Variants in EIF3M observed in about 807,000 individuals in gnomAD.
The protein encoded by EIF3M is eukaryotic translation initiation factor 3 subunit M, also known as B5 receptor.
Under a neutral mutation model 49.7 loss-of-function variants are expected in EIF3M, and 25 were observed. The observed-to-expected ratio is 0.50, with a 90% CI of 0.37 to 0.70. The LOEUF (loss-of-function observed/expected upper bound fraction) is 0.70, where lower values mean the gene tolerates loss of function less well. Among genes scored for constraint, EIF3M ranks in the 30% least tolerant of loss-of-function variants. EIF3M has a pLI of 0.00. For missense variants in EIF3M, 350 were observed against 440.0 expected (o/e 0.80, Z 1.83); for synonymous variants, 156 against 149.8 (o/e 1.04, Z -0.30).
chr11:32,597,612 A>G (rs1352869533), intron 8 of EIF3M, among the ~76,000 whole-genome samples: 2 of 152,216 alleles, frequency 1.3e-5, no homozygotes, highest in African/African-American at 4.8e-5. Flanking sequence ...CATATGTTCA[A>G]TATTTTAATT....
Position 32,603,427 on chromosome 11 carries a change from C to T in EIF3M, c.*1028C>T, listed in dbSNP as rs1855303380. The T allele has an allele frequency of 1.3e-5, 2 of 150,426 alleles. No homozygotes were observed. The highest frequency in any genetic ancestry group is 4.9e-5 in the African/African-American group (2 of 40,534). 9.3% of individuals were successfully genotyped at this position (150,426 alleles called of 1,614,324 possible). ...TTCTTTTCTGATGTTAAAATACTTA[C>T]TGGAAATTTAGAAAATAGAGTAAAG... is the stretch of plus-strand genomic sequence containing the variant. On this transcript the variant is annotated 3_prime_UTR_variant, in exon 11 of 11. Transcript: ENST00000531120.
intron 9 of EIF3M, 44 bp from the exon 10 acceptor site, chr11:32,601,718 G>A: frequency 6.4e-7 from 1 of 1,569,102 alleles, no homozygotes; most frequent in African/African-American, 1.4e-5. Context: ...TATTTTTCTT[G>A]GAAATTTTCC....
In EIF3M at chr11:32,589,052, G is replaced by A. The variant is rs1295580672; in HGVS notation, c.355G>A (p.Val119Ile). ...LFHGMDKNTP[V>I]RYTVYCSLIK... Reference sequence around the variant, plus strand: ...CCACGGGATGGATAAGAATACTCCTGTAAGATACACAGTGTATTGCAGCCT... The same window carrying A: ...CCACGGGATGGATAAGAATACTCCTATAAGATACACAGTGTATTGCAGCCT... Residue 119 changes from valine (V) to isoleucine (I), a missense_variant, in exon 4 of 11, where the codon GTA (valine) becomes ATA (isoleucine). Coordinates refer to ENST00000531120, the MANE Select transcript of EIF3M (RefSeq NM_006360.6). 1.2e-6 allele frequency: 2 copies of A among 1,614,200 alleles called. No homozygotes were observed. The highest frequency in any genetic ancestry group is 1.7e-5 in the Admixed American group (1 of 60,030).
At chr11:32,590,196 G>A (rs1462309952) in intron 5 of EIF3M, among the ~76,000 whole-genome samples, 1 of 151,986 alleles carries the variant, frequency 6.6e-6, no homozygotes, top group Admixed American at 6.6e-5. Flanking sequence ...TCAAAGAAAG[G>A]GTAATATTTC....
chr11:32,601,755 T>C lies in EIF3M; in HGVS notation c.944-7T>C, dbSNP rs77129113. On this transcript the variant is annotated splice_polypyrimidine_tract_variant and splice_region_variant and intron_variant, in intron 9 of 10. Coordinates refer to ENST00000531120, the MANE Select transcript of EIF3M (RefSeq NM_006360.6). ...TATAACATACGATATAAAACATCTT[T>C]TTTCAGCCGTAAGAACTAAAATGGT... The C allele has an allele frequency of 0.05, 79,703 of 1,609,464 alleles. 2,224 individuals are homozygous for C. The highest frequency in any genetic ancestry group is 0.062 in the African/African-American group (4,545 of 73,436).
intron 5 of EIF3M, chr11:32,592,322 T>TTGTA (rs769959623): frequency 7.3e-5 from 40 of 545,234 alleles, no homozygotes; most frequent in Non-Finnish European, 1.3e-4. Flanking sequence ...TCATCAAAAG[T>TTGTA]TACAAAAGCA....
rs1854990365 is a variant in EIF3M at position 32,585,878 on chromosome 11, C to A, written c.43-1134C>A. On this transcript the variant is annotated intron_variant, in intron 1 of 10. Transcript: ENST00000531120. ...TTGGCTTGGTCTAGAAAATGTAATGCCTGTGCATTTACTAATGGTATCCTT... is the reference window on the plus strand; with the variant it reads ...TTGGCTTGGTCTAGAAAATGTAATGACTGTGCATTTACTAATGGTATCCTT... Among the ~76,000 whole-genome samples, 4 of 151,708 alleles carry A rather than the reference C, an allele frequency of 2.6e-5. No homozygotes were observed. The South Asian group carries it at 8.3e-4, about 31-fold the overall frequency.
intron 2 of EIF3M, among the ~76,000 whole-genome samples, chr11:32,588,250 G>A (rs572329372): frequency 1.3e-5 from 2 of 151,934 alleles, no homozygotes; most frequent in African/African-American, 4.8e-5. Flanking sequence ...TTAGCCGGGC[G>A]TGGTGGCGGG....
chr11:32,595,664 A>G (rs1238622782), intron 7 of EIF3M, among the ~76,000 whole-genome samples: 3 of 152,206 alleles, frequency 2.0e-5, no homozygotes, highest in African/African-American at 7.2e-5. Context: ...AAAACACATG[A>G]ACATTTTTCA....
Position 32,600,728 on chromosome 11 carries a change from T to C in EIF3M, c.839T>C (p.Leu280Pro). 6.2e-7 allele frequency: 1 copy of C among 1,611,530 alleles called. No homozygotes were observed. The highest frequency in any genetic ancestry group is 8.5e-7 in the Non-Finnish European group (1 of 1,178,420). Residue 280 changes from leucine to proline, a missense_variant, in exon 9 of 11, where the codon CTT (leucine) becomes CCT (proline). By Grantham distance (98) the Leu-to-Pro change is moderately conservative (BLOSUM62 -3). Transcript: ENST00000531120. Reference protein sequence around the residue: ...HEQNMAKMRLLTFMGMAVENK... With the variant: ...HEQNMAKMRLPTFMGMAVENK... Reference sequence around the variant, plus strand: ...CAGAATATGGCAAAAATGAGACTACTTACTTTTATGGGAATGGCAGTAGAA... The same window carrying C: ...CAGAATATGGCAAAAATGAGACTACCTACTTTTATGGGAATGGCAGTAGAA...
intron 8 of EIF3M, 77 bp downstream of exon 8, chr11:32,596,124 G>C: frequency 8.9e-7 from 1 of 1,128,778 alleles, no homozygotes; most frequent in South Asian, 1.7e-5. Context: ...ATGTGTTCCA[G>C]CAAGTATGGC....
Position 32,604,952 on chromosome 11 carries a change from A to C in EIF3M, c.*2553A>C, listed in dbSNP as rs939553403. The C allele has an allele frequency of 1.3e-5, 2 of 152,216 alleles. No individual in the cohort carries two copies. Among genetic ancestry groups the C allele is most frequent in the South Asian group, 4.1e-4 (2 of 4,826 alleles). The allele number at this position is 152,216 out of a possible 1,614,324, so 9.4% of individuals were successfully genotyped here. On this transcript the variant is annotated 3_prime_UTR_variant, in exon 11 of 11. Transcript: ENST00000531120. ...ACTGCAACCTCCACCTCCCAGGTTC[A>C]AGCGATTCTTCTGCCTCAGCCTCCC...
chr11:32,583,977 TA>T, intron 1 of EIF3M, 48 bp downstream of exon 1: 1 of 1,609,644 alleles, frequency 6.2e-7, no homozygotes, highest in Non-Finnish European at 8.5e-7. Flanking sequence ...GGGGATGTCC[TA>T]GTAGCGCAAG....
At position 32,602,736 on chromosome 11, in the gene EIF3M, C is replaced by A. The variant is rs981143790; in HGVS notation, c.*337C>A. The A allele has an allele frequency of 8.0e-6, 9 of 1,130,812 alleles. No homozygotes were observed. In the South Asian group the frequency reaches 1.2e-4, roughly 15 times the overall value. The allele number at this position is 1,130,812 out of a possible 1,614,324, so 70.0% of individuals were successfully genotyped here. A position where few individuals can be genotyped will look rare whatever the true frequency, so the allele number is the denominator to read the frequency against. ...ACAAACTGTAGAGCTTTAAATACAA[C>A]AGTCATTTTATTCTAGTAAAAACTA... is the stretch of plus-strand genomic sequence containing the variant. On this transcript the variant is annotated 3_prime_UTR_variant, in exon 11 of 11. Transcript: ENST00000531120.
chr11:32,586,950 C>A, intron 1 of EIF3M, 62 bp from the exon 2 acceptor site: 1 of 1,474,384 alleles, frequency 6.8e-7, no homozygotes, highest in Non-Finnish European at 9.1e-7. Context: ...AGAAAGAGGA[C>A]AGAATTTGAG....
At chr11:32,597,290 G>T (rs1855195113) in intron 8 of EIF3M, among the ~76,000 whole-genome samples, 2 of 151,846 alleles carry the variant, frequency 1.3e-5, no homozygotes, top group South Asian at 4.1e-4. Flanking sequence ...TGTATTTTTG[G>T]TCCCTTTTTT....
intron 8 of EIF3M, among the ~76,000 whole-genome samples, chr11:32,596,999 C>G (rs1855191421): frequency 6.6e-6 from 1 of 152,038 alleles, no homozygotes. Context: ...CTCTTCTGTA[C>G]CATGATTCTT....
intron 5 of EIF3M, 35 bp downstream of exon 5, chr11:32,589,676 CA>C (rs961950974): frequency 6.3e-7 from 1 of 1,583,736 alleles, no homozygotes; most frequent in Admixed American, 1.7e-5. Flanking sequence ...TATCACTTAA[CA>C]GACAGTATAA....
chr11:32,589,081 T>G lies in EIF3M; in HGVS notation c.384T>G (p.Ile128Met). The change falls in exon 4 of 11, where the codon ATT becomes ATG. Residue 128 changes from isoleucine (I) to methionine (M), a missense_variant. Ile to Met is a conservative substitution (Grantham distance 10). Coordinates refer to ENST00000531120, the MANE Select transcript of EIF3M (RefSeq NM_006360.6). ...PVRYTVYCSL[I>M]KVAASCGAIQ... ...GATACACAGTGTATTGCAGCCTTAT[T>G]AAAGTGGCAGCATCTTGTGGGGCCA... is the stretch of plus-strand genomic sequence containing the variant. The G allele has an allele frequency of 6.2e-7, 1 of 1,614,252 alleles. No homozygotes were observed. The highest frequency in any genetic ancestry group is 8.5e-7 in the Non-Finnish European group (1 of 1,180,048).
Sources: gnomAD v4.1 joint callset for allele counts (sites outside exome capture counted in the v4.1 genomes callset) on GRCh38, gnomAD v4.1.1 for gene constraint, MANE v1.5 for transcripts, NCBI Gene and HGNC (gene_info 2026-07-23, HGNC 2026-07-21) for gene names.